NDST4: variants seen among roughly 807,000 people sequenced by gnomAD.
The protein encoded by NDST4 is N-deacetylase and N-sulfotransferase 4.
In NDST4, 63 loss-of-function variants were observed where a neutral mutation model predicts 100.8. That is an observed-to-expected ratio of 0.62 (90% CI 0.51 to 0.77). NDST4 has a LOEUF of 0.77. Ranked by LOEUF, NDST4 falls within the 30% of genes least tolerant of loss-of-function variation. NDST4 has a pLI of 0.00. For synonymous variants in NDST4, 377 were observed against 361.8 expected (o/e 1.04, Z -0.48); for missense variants, 943 against 1,018.4 (o/e 0.93, Z 1.01).
chr4:114,929,074 G>GTCCGTCCGTCCGTCCA (rs1560816975), intron 6 of NDST4, among the ~76,000 whole-genome samples: 34 of 120,600 alleles, frequency 2.8e-4, no homozygotes, highest in South Asian at 1.2e-3. Flanking sequence ...CCGTCCGTCC[G>GTCCGTCCGTCCGTCCA]TCCATCCATC....
intron 6 of NDST4, among the ~76,000 whole-genome samples, chr4:114,929,976 G>T (rs1183940412): frequency 6.6e-6 from 1 of 152,108 alleles, no homozygotes; most frequent in East Asian, 1.9e-4. Context: ...GAGATGACTA[G>T]GGCAGATATG....
intron 6 of NDST4, among the ~76,000 whole-genome samples, chr4:114,920,326 T>C (rs1365027900): frequency 2.6e-5 from 4 of 152,164 alleles, no homozygotes; most frequent in Admixed American, 1.3e-4. Context: ...ATAGATTTGA[T>C]TTCTTGAGCA....
intron 6 of NDST4, among the ~76,000 whole-genome samples, chr4:114,894,146 G>A (rs1323178080): frequency 3.9e-5 from 6 of 152,136 alleles, no homozygotes; most frequent in African/African-American, 1.4e-4. Context: ...CTGTAGCCTT[G>A]TAGTATAGTC....
chr4:115,050,991 T>G (rs1728570202), intron 2 of NDST4, among the ~76,000 whole-genome samples: 1 of 152,110 alleles, frequency 6.6e-6, no homozygotes, highest in Non-Finnish European at 1.5e-5. Flanking sequence ...GAATTTTATT[T>G]AGATTGTATG....
At chr4:115,078,051 C>T (rs1314940511) in intron 1 of NDST4, among the ~76,000 whole-genome samples, 1 of 152,116 alleles carries the variant, frequency 6.6e-6, no homozygotes, top group Non-Finnish European at 1.5e-5. Context: ...TGTTCTATTT[C>T]TCTATCACTT....
intron 6 of NDST4, among the ~76,000 whole-genome samples, chr4:114,888,271 G>T (rs1332401417): frequency 6.6e-6 from 1 of 151,712 alleles, no homozygotes; most frequent in Non-Finnish European, 1.5e-5. Context: ...TTGCCTTTGT[G>T]CATTTCTTCA....
chr4:115,006,020 A>G (rs1397635560), intron 2 of NDST4, among the ~76,000 whole-genome samples: 6 of 109,876 alleles, frequency 5.5e-5, no homozygotes, highest in African/African-American at 2.1e-4. Flanking sequence ...TGACAGAGTG[A>G]GACTCTATCT....
intron 6 of NDST4, among the ~76,000 whole-genome samples, chr4:114,914,894 T>G (rs551937515): frequency 1.3e-5 from 2 of 152,234 alleles, no homozygotes; most frequent in South Asian, 4.2e-4. Context: ...AGGCAGGGAA[T>G]AGGTAACTTG....
At chr4:115,111,533 T>C (rs774959308) in intron 1 of NDST4, among the ~76,000 whole-genome samples, 10 of 151,622 alleles carry the variant, frequency 6.6e-5, no homozygotes, top group Non-Finnish European at 4.4e-5. Context: ...TAAGCCTATC[T>C]TGGAGAAAAC....
intron 1 of NDST4, among the ~76,000 whole-genome samples, chr4:115,112,596 T>C (rs980913111): frequency 6.6e-5 from 10 of 151,908 alleles, no homozygotes; most frequent in African/African-American, 2.4e-4. Context: ...TTAAAAAAAC[T>C]ATGACAGGAA....
intron 4 of NDST4, among the ~76,000 whole-genome samples, chr4:114,952,685 C>A (rs920789942): frequency 1.3e-5 from 2 of 152,062 alleles, no homozygotes; most frequent in African/African-American, 4.8e-5. Context: ...TTGGAGACTG[C>A]TAGAATAAGC....
At chr4:114,958,778 G>A (rs551107939) in intron 4 of NDST4, among the ~76,000 whole-genome samples, 1 of 152,116 alleles carries the variant, frequency 6.6e-6, no homozygotes, top group Non-Finnish European at 1.5e-5. Context: ...CACCCAGCTT[G>A]AATTTCTGTT....
At chr4:114,846,044 T>G (rs1216771199) in intron 9 of NDST4, 47 bp from the exon 10 acceptor site, 1 of 1,394,396 alleles carries the variant, frequency 7.2e-7, no homozygotes, top group Admixed American at 2.0e-5. Flanking sequence ...TAATTTTTCT[T>G]GCCATATTCT....
intron 10 of NDST4, 131 bp from the exon 11 acceptor site, chr4:114,839,679 CA>C: frequency 1.7e-6 from 1 of 588,716 alleles, no homozygotes. Context: ...CTTTATGTCA[CA>C]AAATAATAAC....
chr4:115,010,782 A>G (rs1727525879), intron 2 of NDST4, among the ~76,000 whole-genome samples: 1 of 152,114 alleles, frequency 6.6e-6, no homozygotes, highest in African/African-American at 2.4e-5. Flanking sequence ...TATGAAAGAC[A>G]ATCACCAGAT....
At chr4:114,829,443 A>G (rs527642362) in intron 13 of NDST4, among the ~76,000 whole-genome samples, 3 of 152,320 alleles carry the variant, frequency 2.0e-5, no homozygotes, top group South Asian at 4.1e-4. Flanking sequence ...TGTATTGAAT[A>G]TATAATAATG....
In NDST4 at chr4:115,044,972, C is replaced by A. The variant is rs550399353; in HGVS notation, c.978+31087G>T. Among the ~76,000 whole-genome samples the A allele has an allele frequency of 6.0e-5, 9 of 150,936 alleles. No homozygotes were observed. The South Asian group carries it at 1.7e-3, about 28-fold the overall frequency. ...GTTAAGTGTCGACAAAAATGTGAAACAACTGGAACTTTTATACTCTCCTGG... is the reference window on the plus strand; with the variant it reads ...GTTAAGTGTCGACAAAAATGTGAAAAAACTGGAACTTTTATACTCTCCTGG... On this transcript the variant is annotated intron_variant, in intron 2 of 13. Transcript: ENST00000264363.
intron 6 of NDST4, among the ~76,000 whole-genome samples, chr4:114,910,479 A>T (rs568355803): frequency 4.6e-5 from 7 of 152,290 alleles, no homozygotes; most frequent in Admixed American, 3.9e-4. Context: ...TGTCCTAGAG[A>T]AAATGAGAAC....
In NDST4 at chr4:114,986,832, A is replaced by ATATATATATATATATATATATATATT; in HGVS notation, c.979-9559_979-9558insAATATATATATATATATATATATATA. On this transcript the variant is annotated intron_variant, in intron 2 of 13. Transcript: ENST00000264363. The stretch of plus-strand genomic sequence containing the variant: ...TATATATATATATATATATATATAT[A>ATATATATATATATATATATATATATT]TTTTAATATACTATTCCTATAAGCT... Among the ~76,000 whole-genome samples, 21 of 94,648 alleles carry ATATATATATATATATATATATATATT rather than the reference A, an allele frequency of 2.2e-4. 1 individual carries two copies. Among genetic ancestry groups the ATATATATATATATATATATATATATT allele is most frequent in the South Asian group, 1.3e-3 (3 of 2,334 alleles). The allele number at this position is 94,648 out of a possible 152,430, so 62.1% of individuals were successfully genotyped here.
Sources: gnomAD v4.1 joint callset for allele counts (sites outside exome capture counted in the v4.1 genomes callset) on GRCh38, gnomAD v4.1.1 for gene constraint, MANE v1.5 for transcripts, NCBI Gene and HGNC (gene_info 2026-07-23, HGNC 2026-07-21) for gene names.